The following PPP2R5E variants were observed in gnomAD, a reference collection of about 807,000 sequenced individuals.
PPP2R5E encodes serine/threonine-protein phosphatase 2A 56 kDa regulatory subunit epsilon isoform.
A neutral mutation model predicts 65.3 loss-of-function variants in PPP2R5E; 4 were observed. The observed-to-expected ratio is 0.06, with a 90% CI of 0.03 to 0.14. The LOEUF is 0.14. PPP2R5E is among the 10% of genes least tolerant of loss of function. The probability of loss-of-function intolerance (pLI) is 1.00; values close to 1 mark genes in which losing one functional copy is unlikely to be tolerated. For missense variants in PPP2R5E, 274 were observed against 556.1 expected, an observed-to-expected ratio of 0.49 and a Z score of 5.10; for synonymous variants, 183 against 187.4, an observed-to-expected ratio of 0.98 and a Z score of 0.19.
chr14:63,448,214 G>T (rs1167741192), intron 3 of PPP2R5E, among the ~76,000 whole-genome samples: 2 of 151,782 alleles, frequency 1.3e-5, no homozygotes, highest in Non-Finnish European at 2.9e-5. Context: ...GGAGACTGGT[G>T]TGAACCCCGG....
At chr14:63,421,929 C>A (rs1380846037) in intron 4 of PPP2R5E, 64 bp downstream of exon 4, 4 of 1,281,308 alleles carry the variant, frequency 3.1e-6, no homozygotes, top group Middle Eastern at 1.9e-4. Context: ...TCAAGGAATT[C>A]CCATGCTAAT....
intron 13 of PPP2R5E, among the ~76,000 whole-genome samples, chr14:63,376,507 T>C (rs1390237150): frequency 2.0e-5 from 3 of 152,222 alleles, no homozygotes; most frequent in Non-Finnish European, 4.4e-5. Context: ...ATTTCACTTT[T>C]AATGATCTGA....
chr14:63,445,382 A>G (rs186421922), intron 3 of PPP2R5E, among the ~76,000 whole-genome samples: 2 of 152,370 alleles, frequency 1.3e-5, no homozygotes, highest in East Asian at 3.9e-4. Context: ...AAAAATGGAT[A>G]TACCTTAAAA....
chr14:63,448,028 T>G (rs1240585493), intron 3 of PPP2R5E, among the ~76,000 whole-genome samples: 2 of 152,220 alleles, frequency 1.3e-5, no homozygotes, highest in Admixed American at 6.5e-5. Context: ...TCGGGCGCGG[T>G]GGCTCACGCC....
rs1241939888 is a variant in PPP2R5E, at chr14:63,371,448, T to C, written c.*4561A>G. ...TGAAAGGGGAAGGTTACATTTCTTTTTGGGGAGCACCTTCATTTTTGTTTC... is the reference window on the plus strand; with the variant it reads ...TGAAAGGGGAAGGTTACATTTCTTTCTGGGGAGCACCTTCATTTTTGTTTC... On this transcript the variant is annotated 3_prime_UTR_variant, in exon 14 of 14. Coordinates refer to ENST00000337537, the MANE Select transcript of PPP2R5E (RefSeq NM_006246.5). 2 of 152,204 alleles carry C rather than the reference T, an allele frequency of 1.3e-5. No individual in the cohort carries two copies. Among genetic ancestry groups the C allele is most frequent in the African/African-American group, 4.8e-5 (2 of 41,452 alleles). The allele number at this position is 152,204 out of a possible 1,614,324, so 9.4% of individuals were successfully genotyped here.
At chr14:63,376,690 T>C (rs1367394392) in intron 13 of PPP2R5E, among the ~76,000 whole-genome samples, 1 of 152,216 alleles carries the variant, frequency 6.6e-6, no homozygotes, top group Non-Finnish European at 1.5e-5. Flanking sequence ...CGACAAACTT[T>C]ATATTTTGCC....
intron 3 of PPP2R5E, among the ~76,000 whole-genome samples, chr14:63,449,652 C>T (rs192751493): frequency 5.1e-4 from 78 of 152,152 alleles, no homozygotes; most frequent in Non-Finnish European, 1.2e-4. Flanking sequence ...GATATGCAAA[C>T]AAAAGCACAA....
At position 63,396,546 on chromosome 14, in the gene PPP2R5E, A is replaced by G. The variant is rs368185468; in HGVS notation, c.680+40T>C. ...TTTACTTAATACTCATAAAAACACC[A>G]ACTTTGCTTCTCCTTCTTCCCCCAT... On this transcript the variant is annotated intron_variant, in intron 6 of 13. Coordinates refer to ENST00000337537, the MANE Select transcript of PPP2R5E (RefSeq NM_006246.5). 1.2e-5 allele frequency: 19 copies of G among 1,603,800 alleles called. No homozygotes were observed. The Middle Eastern group carries it at 8.9e-4, about 75-fold the overall frequency.
intron 3 of PPP2R5E, among the ~76,000 whole-genome samples, chr14:63,443,817 C>T (rs1363521118): frequency 6.6e-6 from 1 of 152,180 alleles, no homozygotes; most frequent in African/African-American, 2.4e-5. Flanking sequence ...TCCTTCCTCT[C>T]TCACACTCCA....
intron 12 of PPP2R5E, among the ~76,000 whole-genome samples, chr14:63,382,914 G>GTT (rs1594810180): frequency 7.0e-6 from 1 of 142,408 alleles, no homozygotes; most frequent in African/African-American, 2.8e-5. Flanking sequence ...AGAAACAAAT[G>GTT]TTATATATAT....
intron 2 of PPP2R5E, among the ~76,000 whole-genome samples, chr14:63,504,070 C>G (rs2139676844): frequency 6.6e-6 from 1 of 152,248 alleles, no homozygotes; most frequent in East Asian, 1.9e-4. Context: ...TTGAATCACT[C>G]TCTAAACTAC....
intron 6 of PPP2R5E, 50 bp downstream of exon 6, chr14:63,396,536 T>C: frequency 6.3e-7 from 1 of 1,598,516 alleles, no homozygotes; most frequent in Non-Finnish European, 8.5e-7. Flanking sequence ...TTAATACTCA[T>C]AAAAACACCA....
Position 63,453,858 on chromosome 14 carries a change from A to G in PPP2R5E, c.185T>C (p.Leu62Pro). ...GCACTGCTGAAGTTTCTTTAGGAACAGTTCAGGCTGCTCTGAGGATGGAAC... is the reference window on the plus strand; with the variant it reads ...GCACTGCTGAAGTTTCTTTAGGAACGGTTCAGGCTGCTCTGAGGATGGAAC... ...KDVPSSEQPE[L>P]FLKKLQQCCV... Residue 62 changes from leucine to proline, a missense_variant, in exon 3 of 14, where the codon CTG (leucine) becomes CCG (proline). Leu to Pro is a moderately conservative substitution (Grantham distance 98, BLOSUM62 -3). Around this residue, in one of 6 missense-constraint regions of PPP2R5E, gnomAD observed 51 missense variants for 101.1 expected, o/e 0.50. Transcript: ENST00000337537. The G allele has an allele frequency of 6.6e-7, 1 of 1,523,140 alleles. No individual in the cohort carries two copies. The highest frequency in any genetic ancestry group is 8.8e-7 in the Non-Finnish European group (1 of 1,135,968). 94.4% of individuals were successfully genotyped at this position (1,523,140 alleles called of 1,614,324 possible). A position where few individuals can be genotyped will look rare whatever the true frequency, so the allele number is the denominator to read the frequency against.
chr14:63,517,862 T>C (rs1009766007), intron 2 of PPP2R5E, among the ~76,000 whole-genome samples: 1 of 152,232 alleles, frequency 6.6e-6, no homozygotes, highest in African/African-American at 2.4e-5. Context: ...TCTCATTTAA[T>C]GAACTTCAGT....
intron 2 of PPP2R5E, among the ~76,000 whole-genome samples, chr14:63,509,847 C>G (rs1892378024): frequency 1.3e-5 from 2 of 152,032 alleles, no homozygotes; most frequent in Admixed American, 1.3e-4. Flanking sequence ...GAAGTCTGGC[C>G]CACTGGGACC....
chr14:63,393,690 C>T (rs759706647), intron 8 of PPP2R5E, 130 bp downstream of exon 8: 27 of 596,172 alleles, frequency 4.5e-5, no homozygotes, highest in East Asian at 3.2e-4. Context: ...CCAGCCTGGG[C>T]GGCAGAGCAA....
At chr14:63,537,306 A>ATATC (rs149125106) in intron 2 of PPP2R5E, among the ~76,000 whole-genome samples, 4,714 of 152,304 alleles carry the variant, frequency 0.031, 96 homozygotes, top group East Asian at 0.045. Flanking sequence ...CACCCATTAC[A>ATATC]TATCTACTTC....
At position 63,394,042 on chromosome 14, in the gene PPP2R5E, T is replaced by C. The variant is rs1201681172; in HGVS notation, c.741-114A>G. 3 of 448,998 alleles carry C rather than the reference T, an allele frequency of 6.7e-6. No individual in the cohort carries two copies. The East Asian group carries it at 1.1e-4, about 17-fold the overall frequency. 27.8% of individuals were successfully genotyped at this position (448,998 alleles called of 1,614,324 possible). Reference sequence around the variant, plus strand: ...AGTTTGTTTGTACAAAACAACATAATACCCACCCCAGTGGCATTCAGAATT... The same window carrying C: ...AGTTTGTTTGTACAAAACAACATAACACCCACCCCAGTGGCATTCAGAATT... On this transcript the variant is annotated intron_variant, in intron 7 of 13. Transcript: ENST00000337537.
chr14:63,466,384 G>C (rs28672731), intron 2 of PPP2R5E, among the ~76,000 whole-genome samples: 3 of 151,900 alleles, frequency 2.0e-5, no homozygotes, highest in Admixed American at 1.3e-4. Context: ...AAGCTCCTGA[G>C]ACTGACACAG....
Sources: allele counts gnomAD v4.1 joint callset (sites outside exome capture counted in the v4.1 genomes callset), GRCh38; gene constraint gnomAD v4.1.1; regional missense constraint gnomAD v4.1.1; transcripts MANE v1.5; gene names NCBI Gene and HGNC (gene_info 2026-07-23, HGNC 2026-07-21).